Variants in RSPH14 observed in about 807,000 individuals in gnomAD.
RSPH14 encodes the protein radial spoke head 14 homolog, also known as rhabdoid tumor deletion region gene 1.
A neutral mutation model predicts 26.7 loss-of-function variants in RSPH14; 20 were observed. That is an observed-to-expected ratio of 0.75 (90% CI 0.53 to 1.09). The LOEUF is 1.09. Among genes scored for constraint, RSPH14 ranks in the 50% least tolerant of loss-of-function variants. The pLI is 0.00. For missense variants in RSPH14, 449 were observed against 457.2 expected (o/e 0.98, Z 0.16); for synonymous variants, 177 against 189.3 (o/e 0.93, Z 0.53).
intron 4 of RSPH14, chr22:23,122,971 A>C: frequency 1.5e-6 from 1 of 674,102 alleles, no homozygotes; most frequent in Non-Finnish European, 2.6e-6. Context: ...GTGCCATTGC[A>C]GGGACCAGTC....
At chr22:23,171,209 A>G in the RSPH14 span, among the ~76,000 whole-genome samples, 2 of 151,824 alleles carry the variant, frequency 1.3e-5, no homozygotes, top group Non-Finnish European at 2.9e-5. Flanking sequence ...CTCATGATCC[A>G]CCCACTGTGG....
At chr22:23,168,775 G>A in the RSPH14 span, among the ~76,000 whole-genome samples, 8 of 152,334 alleles carry the variant, frequency 5.3e-5, no homozygotes, top group African/African-American at 1.9e-4. Context: ...CCAGGAAGGT[G>A]AGGGAGCAGG....
At chr22:23,119,576 A>G (rs1313437136) in intron 4 of RSPH14, among the ~76,000 whole-genome samples, 1 of 152,144 alleles carries the variant, frequency 6.6e-6, no homozygotes, top group East Asian at 1.9e-4. Context: ...GACCTTCTTT[A>G]TAGCCTTCCT....
intron 4 of RSPH14, among the ~76,000 whole-genome samples, chr22:23,116,178 G>A (rs1422663567): frequency 2.0e-5 from 3 of 152,260 alleles, no homozygotes; most frequent in African/African-American, 4.8e-5. Flanking sequence ...CTCACTGAGG[G>A]GCACAGGGCA....
chr22:23,110,149 C>A (rs769069923), intron 4 of RSPH14, among the ~76,000 whole-genome samples: 1 of 152,150 alleles, frequency 6.6e-6, no homozygotes, highest in African/African-American at 2.4e-5. Context: ...AGGGGTGGTT[C>A]GGGCTGTCTG....
At chr22:23,148,175 C>T (rs1478468076), upstream of RSPH14, among the ~76,000 whole-genome samples, 1 of 152,080 alleles carries the variant, frequency 6.6e-6, no homozygotes, top group Non-Finnish European at 1.5e-5. Flanking sequence ...CTTTACCTTC[C>T]TCCCTAAGTT....
chr22:23,155,295 G>A, the RSPH14 span, among the ~76,000 whole-genome samples: 2 of 152,178 alleles, frequency 1.3e-5, no homozygotes, highest in African/African-American at 4.8e-5. Context: ...TCTAAGCCAG[G>A]GCAGGTAGAT....
chr22:23,063,819 T>A lies in RSPH14; in HGVS notation c.653+83A>T, dbSNP rs527578922. The A allele has an allele frequency of 5.3e-6, 7 of 1,331,394 alleles. No homozygotes were observed. The African/African-American group carries it at 1.0e-4, about 19-fold the overall frequency. 82.5% of individuals were successfully genotyped at this position (1,331,394 alleles called of 1,614,324 possible). On this transcript the variant is annotated intron_variant, in intron 5 of 6. Transcript: ENST00000216036. ...CAGGCAAGGGGAAGCAGGCCCAGGGTGGCCGCCCTTGAGCTCTGGACCAGT... is the reference window on the plus strand; with the variant it reads ...CAGGCAAGGGGAAGCAGGCCCAGGGAGGCCGCCCTTGAGCTCTGGACCAGT...
At chr22:23,151,384 C>T in the RSPH14 span, among the ~76,000 whole-genome samples, 18 of 152,214 alleles carry the variant, frequency 1.2e-4, no homozygotes, top group East Asian at 2.5e-3. Flanking sequence ...GGAGTCAGAA[C>T]GAAAGGGCCC....
the RSPH14 span, chr22:23,150,118 G>C: frequency 1.7e-5 from 27 of 1,612,716 alleles, no homozygotes; most frequent in East Asian, 5.6e-4. Flanking sequence ...GGGCAGGTCA[G>C]CGCTGCCTGC....
intron 6 of RSPH14, 68 bp from the exon 7 acceptor site, chr22:23,059,786 A>C: frequency 6.8e-7 from 1 of 1,462,126 alleles, no homozygotes; most frequent in South Asian, 1.5e-5. Flanking sequence ...CTCTCACCCT[A>C]GCCCTCTCCT....
upstream of RSPH14, chr22:23,146,744 C>G (rs2070800277): frequency 1.3e-6 from 2 of 1,589,128 alleles, no homozygotes; most frequent in Admixed American, 1.7e-5. Flanking sequence ...CAGCTCTCCC[C>G]ACTCTACACT....
At chr22:23,068,967 G>A (rs1408058170) in intron 4 of RSPH14, among the ~76,000 whole-genome samples, 1 of 152,208 alleles carries the variant, frequency 6.6e-6, no homozygotes, top group African/African-American at 2.4e-5. Flanking sequence ...CCTCCAGTGA[G>A]CACTAAGTTC....
At chr22:23,078,859 C>T (rs2068586324) in intron 4 of RSPH14, among the ~76,000 whole-genome samples, 1 of 152,228 alleles carries the variant, frequency 6.6e-6, no homozygotes, top group African/African-American at 2.4e-5. Flanking sequence ...GCTCCCGGGC[C>T]TGAGGGCTTA....
intron 4 of RSPH14, among the ~76,000 whole-genome samples, chr22:23,111,059 GATC>G (rs1397869117): frequency 6.6e-6 from 1 of 152,204 alleles, no homozygotes; most frequent in Admixed American, 6.5e-5. Flanking sequence ...TCCAGCAGGC[GATC>G]ATCATTTGCT....
intron 4 of RSPH14, among the ~76,000 whole-genome samples, chr22:23,127,519 G>A (rs2146417270): frequency 6.6e-6 from 1 of 152,320 alleles, no homozygotes; most frequent in South Asian, 2.1e-4. Context: ...GGAGGAGGAG[G>A]AGGAGGCTGC....
upstream of RSPH14, among the ~76,000 whole-genome samples, chr22:23,148,806 C>G (rs2070945908): frequency 6.6e-6 from 1 of 152,220 alleles, no homozygotes; most frequent in Non-Finnish European, 1.5e-5. Context: ...GTGTCTGAGC[C>G]AGTCCCTAGC....
At chr22:23,061,189 G>A (rs945142685) in intron 6 of RSPH14, among the ~76,000 whole-genome samples, 3 of 152,170 alleles carry the variant, frequency 2.0e-5, no homozygotes, top group African/African-American at 7.2e-5. Context: ...CAGGGCCCCA[G>A]GCTGGTGGGT....
chr22:23,064,489 C>A (rs1262788692), intron 4 of RSPH14, among the ~76,000 whole-genome samples: 1 of 152,172 alleles, frequency 6.6e-6, no homozygotes, highest in Non-Finnish European at 1.5e-5. Flanking sequence ...AGGGCCCAGG[C>A]ACACCAGGAG....
Sources: allele counts gnomAD v4.1 joint callset (sites outside exome capture counted in the v4.1 genomes callset), GRCh38; gene constraint gnomAD v4.1.1; transcripts MANE v1.5; gene names NCBI Gene and HGNC (gene_info 2026-07-23, HGNC 2026-07-21).